Variants in FXYD5 observed in about 807,000 individuals in gnomAD.
FXYD5 encodes FXYD domain-containing ion transport regulator 5.
A neutral mutation model predicts 25.7 loss-of-function variants in FXYD5; 21 were observed. That is an observed-to-expected ratio of 0.82 (90% confidence interval 0.58 to 1.18). The LOEUF (loss-of-function observed/expected upper bound fraction) is 1.18, where lower values mean the gene tolerates loss of function less well. Ranked by LOEUF, FXYD5 falls within the 50% of genes most tolerant of loss-of-function variation. The probability of loss-of-function intolerance (pLI) is 0.00; values close to 1 mark genes in which losing one functional copy is unlikely to be tolerated. For synonymous variants in FXYD5, 101 were observed against 90.7 expected (o/e 1.11, Z -0.64); for missense variants, 229 against 227.7 (o/e 1.01, Z -0.04).
chr19:35,168,479 G>A (rs2065469960), intron 8 of FXYD5, among the ~76,000 whole-genome samples: 1 of 152,132 alleles, frequency 6.6e-6, no homozygotes, highest in Non-Finnish European at 1.5e-5. Flanking sequence ...AATGAGCTGC[G>A]CCCATTGCTA....
chr19:35,156,206 A>G (rs996613157), intron 2 of FXYD5, among the ~76,000 whole-genome samples: 2 of 152,198 alleles, frequency 1.3e-5, no homozygotes, highest in African/African-American at 4.8e-5. Flanking sequence ...GCCCTGTGTC[A>G]GAGGAGAATG....
chr19:35,158,991 G>A (rs1395933807), intron 4 of FXYD5, among the ~76,000 whole-genome samples: 25 of 151,986 alleles, frequency 1.6e-4, no homozygotes, highest in Non-Finnish European at 1.0e-4. Flanking sequence ...AGCCGAGTGC[G>A]TTGGCGTGCT....
At chr19:35,158,103 T>A (rs1450410269) in intron 3 of FXYD5, among the ~76,000 whole-genome samples, 1 of 152,162 alleles carries the variant, frequency 6.6e-6, no homozygotes, top group Non-Finnish European at 1.5e-5. Context: ...AGAAAGACAA[T>A]TTGCAGCCAG....
chr19:35,161,221 A>AACGCACACACACACACACAC (rs2065401989), intron 5 of FXYD5, among the ~76,000 whole-genome samples: 1 of 38,204 alleles, frequency 2.6e-5, no homozygotes, highest in Non-Finnish European at 5.4e-5. Flanking sequence ...ATTCACCTTA[A>AACGCACACACACACACACAC]ACACACACAC....
At position 35,169,874 on chromosome 19, in the gene FXYD5, G is replaced by T; in HGVS notation, c.*259G>T. 2.1e-6 allele frequency: 1 copy of T among 478,620 alleles called. No individual in the cohort carries two copies. Among genetic ancestry groups the T allele is most frequent in the South Asian group, 2.4e-5 (1 of 41,740 alleles). The allele number at this position is 478,620 out of a possible 1,614,324, so 29.6% of individuals were successfully genotyped here. On this transcript the variant is annotated 3_prime_UTR_variant, in exon 9 of 9. Transcript: ENST00000392219. ...CTAAGACAAAAAGTAAAGCACTGTG[G>T]TCTTTGCCCCAGGATCTCTGATCAT...
rs2065449617 is a variant in FXYD5, at chr19:35,166,250, G to C, written c.413-1G>C. 1 of 1,612,904 alleles carries C rather than the reference G, an allele frequency of 6.2e-7. No individual in the cohort carries two copies. Among genetic ancestry groups the C allele is most frequent in the African/African-American group, 1.3e-5 (1 of 74,892 alleles). ...CTACCCCTTCATTTTTCTCTCTGCA[G>C]ATGAACACACCCTCCGGAAACGGGG... On this transcript the variant is annotated splice_acceptor_variant, in intron 7 of 8. Transcript: ENST00000392219. LOFTEE classifies it high-confidence loss of function.
Position 35,167,484 on chromosome 19 carries a change from C to A in FXYD5, c.487+1159C>A, listed in dbSNP as rs537997069. ...CCCCCTGTCTCCTGCCAATGCTTAACCAGAGGGCAAGGGGCCCAGGGCCCC... is the reference window on the plus strand; with the variant it reads ...CCCCCTGTCTCCTGCCAATGCTTAAACAGAGGGCAAGGGGCCCAGGGCCCC... On this transcript the variant is annotated intron_variant, in intron 8 of 8. Coordinates refer to ENST00000392219, the MANE Select transcript of FXYD5 (RefSeq NM_014164.6). Among the ~76,000 whole-genome samples, 3 of 152,302 alleles carry A rather than the reference C, an allele frequency of 2.0e-5. No homozygotes were observed. The South Asian group carries it at 6.2e-4, about 32-fold the overall frequency.
rs369335494 is a variant in FXYD5, at chr19:35,156,521, C to G, written c.62-900C>G. On this transcript the variant is annotated intron_variant, in intron 2 of 8. Coordinates refer to ENST00000392219, the MANE Select transcript of FXYD5 (RefSeq NM_014164.6). ...ATGAGGATTGTTTAAACTGGGTGGT[C>G]AGGGAGGGCCTCACTGAGGAGGTGA... 4.0e-4 allele frequency among the ~76,000 whole-genome samples: 61 copies of G among 152,138 alleles called. 3 individuals are homozygous for G. The East Asian group carries it at 4.6e-3, about 12-fold the overall frequency.
At chr19:35,157,592 T>C in intron 3 of FXYD5, 91 bp downstream of exon 3, 1 of 726,988 alleles carries the variant, frequency 1.4e-6, no homozygotes, top group Non-Finnish European at 2.5e-6. Context: ...AGGGAATTTA[T>C]GGATTTATGT....
chr19:35,164,898 C>T (rs1323481841), intron 6 of FXYD5, among the ~76,000 whole-genome samples: 1 of 152,150 alleles, frequency 6.6e-6, no homozygotes, highest in Admixed American at 6.5e-5. Context: ...TTTCAACTTG[C>T]TATCAAGAAA....
rs1216083624 is a variant in FXYD5, at chr19:35,158,372, C to T, written c.171C>T (p.Thr57=). 3 of 1,607,638 alleles carry T rather than the reference C, an allele frequency of 1.9e-6. No individual in the cohort carries two copies. The highest frequency in any genetic ancestry group is 2.7e-5 in the African/African-American group (2 of 74,734). Residue 57 remains threonine, a synonymous_variant, in exon 4 of 9, where the codon ACC becomes ACT. Coordinates refer to ENST00000392219, the MANE Select transcript of FXYD5 (RefSeq NM_014164.6). ...PDAVYTELQP[T]SPTPTWPADE... ...CAGTCTACACAGAACTCCAGCCCAC[C>T]TCTCCAACCCCAACCTGGCCTGCTG...
At chr19:35,167,607 G>A (rs201275886) in intron 8 of FXYD5, among the ~76,000 whole-genome samples, 5 of 152,168 alleles carry the variant, frequency 3.3e-5, no homozygotes, top group East Asian at 1.9e-4. Flanking sequence ...AATAAAACAC[G>A]AGCTATCAGT....
At chr19:35,164,016 T>C in intron 5 of FXYD5, 140 bp from the exon 6 acceptor site, 2 of 1,527,748 alleles carry the variant, frequency 1.3e-6, no homozygotes, top group South Asian at 1.3e-5. Flanking sequence ...AGGTGTGGAG[T>C]AGGGGGGATG....
chr19:35,158,219 T>G (rs2065374065), intron 3 of FXYD5, 125 bp from the exon 4 acceptor site: 1 of 705,472 alleles, frequency 1.4e-6, no homozygotes, highest in Non-Finnish European at 2.6e-6. Flanking sequence ...CTGGATTAAT[T>G]AAGCCATTTC....
chr19:35,155,631 T>C lies in FXYD5; in HGVS notation c.61+20T>C. The C allele has an allele frequency of 6.3e-7, 1 of 1,576,162 alleles. No homozygotes were observed. The highest frequency in any genetic ancestry group is 1.1e-5 in the South Asian group (1 of 90,466). On this transcript the variant is annotated intron_variant, in intron 2 of 8. Transcript: ENST00000392219. The stretch of plus-strand genomic sequence containing the variant: ...CCAGAGGTAAGACCCATCTCTGGCC[T>C]CCACCCTGCCCCAGAGCCCCCAGCC...
rs1024374421 is a variant in FXYD5, at chr19:35,168,853, A to G, written c.488-713A>G. On this transcript the variant is annotated intron_variant, in intron 8 of 8. Coordinates refer to ENST00000392219, the MANE Select transcript of FXYD5 (RefSeq NM_014164.6). The stretch of plus-strand genomic sequence containing the variant: ...TGAGGCAGGTGGATCCCTTGAGGCC[A>G]GGAGTTCAAGACCAGCTTGGCCAAC... Among the ~76,000 whole-genome samples, 5 of 152,206 alleles carry G rather than the reference A, an allele frequency of 3.3e-5. No individual in the cohort carries two copies. The East Asian group carries it at 7.7e-4, about 23-fold the overall frequency.
intron 4 of FXYD5, among the ~76,000 whole-genome samples, chr19:35,159,313 A>C (rs2065384478): frequency 6.6e-6 from 1 of 152,190 alleles, no homozygotes; most frequent in Non-Finnish European, 1.5e-5. Context: ...GCATTGGGGT[A>C]GGTCCCCAGT....
chr19:35,160,551 G>A (rs926454183), intron 4 of FXYD5, among the ~76,000 whole-genome samples, 158 bp from the exon 5 acceptor site: 19 of 152,098 alleles, frequency 1.2e-4, no homozygotes, highest in Non-Finnish European at 2.5e-4. Flanking sequence ...TCTCCATGTT[G>A]GTCAGGCTGG....
At chr19:35,155,438 G>A (rs1001407966) in intron 1 of FXYD5, 113 bp from the exon 2 acceptor site, 7 of 868,420 alleles carry the variant, frequency 8.1e-6, no homozygotes, top group African/African-American at 1.6e-5. Context: ...AGGGGGTCTT[G>A]GAAGCCAGAG....
Sources: gnomAD v4.1 joint callset for allele counts (sites outside exome capture counted in the v4.1 genomes callset) on GRCh38, gnomAD v4.1.1 for gene constraint, MANE v1.5 for transcripts, NCBI Gene and HGNC (gene_info 2026-07-23, HGNC 2026-07-21) for gene names.